Variants in FMNL3 observed in about 807,000 individuals in gnomAD.
The protein encoded by FMNL3 is formin like 3.
A neutral mutation model predicts 119.6 loss-of-function variants in FMNL3; 57 were observed. The ratio of observed to expected loss-of-function variants is 0.48; its 90% confidence interval spans 0.39 to 0.59. FMNL3 has a LOEUF of 0.59. Ranked by LOEUF, FMNL3 falls within the 20% of genes least tolerant of loss-of-function variation. FMNL3 has a pLI of 0.00. For missense variants in FMNL3, 1,053 were observed against 1,323.5 expected (o/e 0.80, Z 3.17); for synonymous variants, 491 against 507.3 (o/e 0.97, Z 0.43).
chr12:49,693,298 C>G (rs375653440), intron 1 of FMNL3, among the ~76,000 whole-genome samples: 132 of 152,050 alleles, frequency 8.7e-4, no homozygotes, highest in African/African-American at 3.0e-3. Flanking sequence ...TAGACCAGGG[C>G]GGTGGCAGTA....
chr12:49,643,827 A>G lies in FMNL3; in HGVS notation c.*1988T>C. The G allele has an allele frequency of 1.2e-6, 2 of 1,614,042 alleles. No individual in the cohort carries two copies. The highest frequency in any genetic ancestry group is 2.2e-5 in the East Asian group (1 of 44,892). On this transcript the variant is annotated 3_prime_UTR_variant, in exon 26 of 26. Coordinates refer to ENST00000335154, the MANE Select transcript of FMNL3 (RefSeq NM_175736.5). Reference sequence around the variant, plus strand: ...TCTACCTGCCTCCCAGGCTATCCACAGGAACTGAGGAGGTGGGCTCTGGAC... The same window carrying G: ...TCTACCTGCCTCCCAGGCTATCCACGGGAACTGAGGAGGTGGGCTCTGGAC...
At chr12:49,695,610 T>C (rs535972106) in intron 1 of FMNL3, among the ~76,000 whole-genome samples, 52 of 152,316 alleles carry the variant, frequency 3.4e-4, no homozygotes, top group South Asian at 2.3e-3. Context: ...ATGTTAACTG[T>C]CTTTCCTTAA....
Position 49,651,411 on chromosome 12 carries a change from G to C in FMNL3, c.1643C>G (p.Pro548Arg), listed in dbSNP as rs1398901641. The C allele has an allele frequency of 6.6e-7, 1 of 1,524,230 alleles. No individual in the cohort carries two copies. Among genetic ancestry groups the C allele is most frequent in the Non-Finnish European group, 8.8e-7 (1 of 1,131,540 alleles). 94.4% of individuals were successfully genotyped at this position (1,524,230 alleles called of 1,614,324 possible). Reference sequence around the variant, plus strand: ...CAGGCCCACTGTCAACACCACAGAGGGTGCAGCACCAGGGAGAGGTGGGGC... The same window carrying C: ...CAGGCCCACTGTCAACACCACAGAGCGTGCAGCACCAGGGAGAGGTGGGGC... ...PPAPPLPGAA[P>R]SVVLTVGLSA... The change falls in exon 15 of 26, where the codon CCC (proline) becomes CGC (arginine). Residue 548 changes from proline to arginine, a missense_variant. By Grantham distance (103) the Pro-to-Arg change is moderately radical (BLOSUM62 -2). Around this residue, in one of 4 missense-constraint regions of FMNL3, gnomAD observed 445 missense variants for 628.4 expected, o/e 0.71. Transcript: ENST00000335154.
At chr12:49,686,708 T>C (rs962364038) in intron 1 of FMNL3, among the ~76,000 whole-genome samples, 1 of 151,912 alleles carries the variant, frequency 6.6e-6, no homozygotes, top group Non-Finnish European at 1.5e-5. Flanking sequence ...CCAGACTTCA[T>C]ATTTCTCTTC....
intron 5 of FMNL3, chr12:49,659,846 C>T (rs752301929): frequency 3.0e-4 from 296 of 985,312 alleles, no homozygotes; most frequent in Non-Finnish European, 3.0e-4. Flanking sequence ...TCCTTCTTGT[C>T]CTCTTCCTCC....
chr12:49,698,836 G>A (rs183589576), intron 1 of FMNL3, among the ~76,000 whole-genome samples: 1 of 152,324 alleles, frequency 6.6e-6, no homozygotes, highest in Admixed American at 6.5e-5. Flanking sequence ...GAAATGGAAT[G>A]CAGGAATTCT....
At position 49,641,632 on chromosome 12, in the gene FMNL3, A is replaced by T; in HGVS notation, c.*4183T>A. 2.3e-6 allele frequency: 1 copy of T among 438,988 alleles called. No individual in the cohort carries two copies. Among genetic ancestry groups the T allele is most frequent in the East Asian group, 4.0e-5 (1 of 25,184 alleles). The allele number at this position is 438,988 out of a possible 1,614,324, so 27.2% of individuals were successfully genotyped here. On this transcript the variant is annotated 3_prime_UTR_variant, in exon 26 of 26. Coordinates refer to ENST00000335154, the MANE Select transcript of FMNL3 (RefSeq NM_175736.5). ...GGCCAGAGCTTTAAGCCAAAGGAAC[A>T]AAAGTTAATTTTGAGAAACTCAGCA...
At position 49,681,093 on chromosome 12, in the gene FMNL3, C is replaced by T. The variant is rs191142984; in HGVS notation, c.127-12539G>A. Among the ~76,000 whole-genome samples, 133 of 152,378 alleles carry T rather than the reference C, an allele frequency of 8.7e-4. 1 individual carries two copies. Among genetic ancestry groups the T allele is most frequent in the African/African-American group, 2.9e-3 (120 of 41,594 alleles). ...AAGTATGAGTATGTGTGCTGAACAT[C>T]TGAAGTTCAAGGCTTCACAGAGTAA... On this transcript the variant is annotated intron_variant, in intron 1 of 25. Transcript: ENST00000335154.
intron 1 of FMNL3, among the ~76,000 whole-genome samples, chr12:49,670,154 A>G (rs1026084472): frequency 6.6e-6 from 1 of 152,200 alleles, no homozygotes; most frequent in Non-Finnish European, 1.5e-5. Context: ...AATTCTTGGC[A>G]TCCTCATCCC....
At chr12:49,680,957 A>C (rs1944319491) in intron 1 of FMNL3, among the ~76,000 whole-genome samples, 3 of 152,244 alleles carry the variant, frequency 2.0e-5, no homozygotes, top group Admixed American at 1.3e-4. Flanking sequence ...CAAAGAAAAC[A>C]AATCTCTTTT....
In FMNL3 at chr12:49,671,338, C is replaced by A. The variant is rs192621661; in HGVS notation, c.127-2784G>T. Among the ~76,000 whole-genome samples the A allele has an allele frequency of 2.5e-4, 38 of 152,374 alleles. 1 individual carries two copies. The highest frequency in any genetic ancestry group is 7.2e-4 in the African/African-American group (30 of 41,590). ...AAAGTATGGAAACGGGTGGTAGAGGCATGAAGTAGGTCTGACCATAGCCAT... is the reference window on the plus strand; with the variant it reads ...AAAGTATGGAAACGGGTGGTAGAGGAATGAAGTAGGTCTGACCATAGCCAT... On this transcript the variant is annotated intron_variant, in intron 1 of 25. Transcript: ENST00000335154.
At chr12:49,687,598 T>C (rs1194190050) in intron 1 of FMNL3, among the ~76,000 whole-genome samples, 1 of 152,218 alleles carries the variant, frequency 6.6e-6, no homozygotes, top group African/African-American at 2.4e-5. Flanking sequence ...CTATATTATA[T>C]ACCTGTAGAT....
chr12:49,650,762 C>A lies in FMNL3; in HGVS notation c.1914G>T (p.Leu638=), dbSNP rs765897099. ...GGTTCTTGGCACGATTGGCTTCCAA[C>A]AGAGTCACCTTGCTGGCAGCTTTTT... ...TAQKAASKVT[L]LEANRAKNLA... Residue 638 remains leucine, a synonymous_variant, in exon 17 of 26, where the codon CTG becomes CTT. Coordinates refer to ENST00000335154, the MANE Select transcript of FMNL3 (RefSeq NM_175736.5). 8.1e-6 allele frequency: 13 copies of A among 1,614,244 alleles called. No individual in the cohort carries two copies. The highest frequency in any genetic ancestry group is 1.0e-5 in the Non-Finnish European group (12 of 1,180,046).
chr12:49,700,131 G>A (rs1351016436), intron 1 of FMNL3, among the ~76,000 whole-genome samples: 1 of 152,170 alleles, frequency 6.6e-6, no homozygotes, highest in Non-Finnish European at 1.5e-5. Context: ...TGGTGCTCAC[G>A]CCTGTAATCC....
Position 49,646,623 on chromosome 12 carries a change from C to T in FMNL3, c.2995+263G>A, listed in dbSNP as rs1399548516. 4.7e-6 allele frequency: 7 copies of T among 1,493,094 alleles called. No homozygotes were observed. In the South Asian group the frequency reaches 7.7e-5, roughly 16 times the overall value. 92.5% of individuals were successfully genotyped at this position (1,493,094 alleles called of 1,614,324 possible). A position where few individuals can be genotyped will look rare whatever the true frequency, so the allele number is the denominator to read the frequency against. Reference sequence around the variant, plus strand: ...GGAGACGGGCATGCAGAGGGGGCAGCTGCGGTGCCCAGTACCTGTCGGGCC... The same window carrying T: ...GGAGACGGGCATGCAGAGGGGGCAGTTGCGGTGCCCAGTACCTGTCGGGCC... On this transcript the variant is annotated intron_variant, in intron 25 of 25. Transcript: ENST00000335154.
At chr12:49,652,342 C>T in intron 13 of FMNL3, 130 bp from the exon 14 acceptor site, 1 of 1,428,996 alleles carries the variant, frequency 7.0e-7, no homozygotes, top group African/African-American at 1.4e-5. Flanking sequence ...CTCAGAGTGG[C>T]AGAAACCCAG....
intron 1 of FMNL3, among the ~76,000 whole-genome samples, chr12:49,683,825 C>T (rs907514291): frequency 1.4e-4 from 21 of 152,230 alleles, no homozygotes; most frequent in African/African-American, 3.1e-4. Flanking sequence ...TACACTTCAA[C>T]GGCACTGAGC....
chr12:49,656,873 G>C lies in FMNL3; in HGVS notation c.741C>G (p.His247Gln). The C allele has an allele frequency of 6.2e-7, 1 of 1,614,126 alleles. No individual in the cohort carries two copies. Among genetic ancestry groups the C allele is most frequent in the African/African-American group, 1.3e-5 (1 of 75,024 alleles). Residue 247 changes from histidine to glutamine, a missense_variant, in exon 8 of 26, where the codon CAC becomes CAG. This residue lies in a region of FMNL3 where 445 missense variants were observed against 628.4 expected (regional missense o/e 0.71). Coordinates refer to ENST00000335154, the MANE Select transcript of FMNL3 (RefSeq NM_175736.5). Reference protein sequence around the residue: ...YQYGFNLVMSHPHAVNEIALS... With the variant: ...YQYGFNLVMSQPHAVNEIALS... ...GTGCAATCTCATTGACAGCATGGGG[G>C]TGGGACATGACCAGGTTGAATCCGT...
In FMNL3 at chr12:49,707,159, C is replaced by G. The variant is rs1945073204; in HGVS notation, c.22G>C (p.Glu8Gln). ...GAGGGGGGCTCTCCCGGGACCCCCTCGGCGCTCTCCAGGTTGCCCATCGCG... is the reference window on the plus strand; with the variant it reads ...GAGGGGGGCTCTCCCGGGACCCCCTGGGCGCTCTCCAGGTTGCCCATCGCG... MGNLESA[E>Q]GVPGEPPSVP... Residue 8 changes from glutamate (E) to glutamine (Q), a missense_variant, in exon 1 of 26, where the codon GAG becomes CAG. Physicochemically the swap from Glu to Gln is conservative, Grantham distance 29. Transcript: ENST00000335154. 6.3e-7 allele frequency: 1 copy of G among 1,581,484 alleles called. No homozygotes were observed. The highest frequency in any genetic ancestry group is 2.4e-5 in the East Asian group (1 of 42,264).
Sources: gnomAD v4.1 joint callset for allele counts (sites outside exome capture counted in the v4.1 genomes callset) on GRCh38, gnomAD v4.1.1 for gene constraint, gnomAD v4.1.1 regional missense constraint, MANE v1.5 for transcripts, NCBI Gene and HGNC (gene_info 2026-07-23, HGNC 2026-07-21) for gene names.